POMK: variants seen among roughly 807,000 people sequenced by gnomAD.
The protein encoded by POMK is Sugen kinase 196.
In POMK, 19 loss-of-function variants were observed where a neutral mutation model predicts 23.0. That is an observed-to-expected ratio of 0.83 (90% CI 0.58 to 1.21). The LOEUF (loss-of-function observed/expected upper bound fraction) is 1.21, where lower values mean the gene tolerates loss of function less well. Ranked by LOEUF, POMK falls within the 50% of genes most tolerant of loss-of-function variation. POMK has a pLI of 0.00. For synonymous variants in POMK, 173 were observed against 171.6 expected, an observed-to-expected ratio of 1.01 and a Z score of -0.06; for missense variants, 410 against 431.3, an observed-to-expected ratio of 0.95 and a Z score of 0.44.
chr8:43,110,967 C>A (rs563167387), intron 4 of POMK, among the ~76,000 whole-genome samples: 1 of 151,984 alleles, frequency 6.6e-6, no homozygotes, highest in African/African-American at 2.4e-5. Flanking sequence ...CGAATAGGAA[C>A]AGCTCCAGTC....
chr8:43,112,437 A>G (rs1390089547), intron 4 of POMK, among the ~76,000 whole-genome samples: 6 of 152,214 alleles, frequency 3.9e-5, no homozygotes, highest in Non-Finnish European at 8.8e-5. Context: ...TCTACGTCTG[A>G]TTGGTGTACC....
At chr8:43,100,625 G>T (rs879830308) in intron 2 of POMK, among the ~76,000 whole-genome samples, 17 of 152,112 alleles carry the variant, frequency 1.1e-4, no homozygotes, top group Middle Eastern at 3.4e-3. Flanking sequence ...GCCGTGGTGG[G>T]TGTGTGCATG....
chr8:43,122,137 G>A lies in POMK; in HGVS notation c.313G>A (p.Val105Ile). The change falls in exon 5 of 5, where the codon GTT (valine) becomes ATT (isoleucine). Residue 105 changes from valine to isoleucine, a missense_variant. Val to Ile is a conservative substitution (Grantham distance 29). Coordinates refer to ENST00000331373, the MANE Select transcript of POMK (RefSeq NM_032237.5). ...VFLSEWKEHK[V>I]ALSQLTSLEM... Reference sequence around the variant, plus strand: ...TCTGTCTGAGTGGAAGGAGCACAAAGTTGCACTCTCACAGCTCACCAGCCT... The same window carrying A: ...TCTGTCTGAGTGGAAGGAGCACAAAATTGCACTCTCACAGCTCACCAGCCT... The A allele has an allele frequency of 6.2e-7, 1 of 1,614,170 alleles. No homozygotes were observed. The highest frequency in any genetic ancestry group is 1.1e-5 in the South Asian group (1 of 91,074).
intron 4 of POMK, among the ~76,000 whole-genome samples, chr8:43,116,997 G>A (rs979681844): frequency 6.6e-6 from 1 of 152,030 alleles, no homozygotes; most frequent in Non-Finnish European, 1.5e-5. Context: ...GTGGGCAGGA[G>A]TGGGGGTCGC....
rs1811800452 is a variant in POMK at position 43,116,438 on chromosome 8, C to A, written c.283-5669C>A. Among the ~76,000 whole-genome samples, 5 of 148,116 alleles carry A rather than the reference C, an allele frequency of 3.4e-5. No individual in the cohort carries two copies. The Admixed American group carries it at 3.4e-4, about 10-fold the overall frequency. On this transcript the variant is annotated intron_variant, in intron 4 of 4. Coordinates refer to ENST00000331373, the MANE Select transcript of POMK (RefSeq NM_032237.5). The stretch of plus-strand genomic sequence containing the variant: ...TGCCACCATGCCTGGCTAATTAAAA[C>A]TTTTTTTTTTTAAAGAGTTGAGATC...
At chr8:43,116,012 G>A (rs369806875) in intron 4 of POMK, among the ~76,000 whole-genome samples, 2 of 152,152 alleles carry the variant, frequency 1.3e-5, no homozygotes, top group African/African-American at 2.4e-5. Context: ...CCTCCTTCAC[G>A]GTCTTGCTCA....
intron 4 of POMK, among the ~76,000 whole-genome samples, chr8:43,114,074 T>C (rs1275188914): frequency 1.3e-5 from 2 of 152,222 alleles, no homozygotes; most frequent in Non-Finnish European, 2.9e-5. Flanking sequence ...AGGGACCCAC[T>C]TGAGGCAGTC....
intron 2 of POMK, among the ~76,000 whole-genome samples, chr8:43,099,193 C>G (rs1811391197): frequency 6.6e-6 from 1 of 152,256 alleles, no homozygotes; most frequent in Admixed American, 6.5e-5. Flanking sequence ...TCAAGCGATC[C>G]TCCCACCTTG....
intron 4 of POMK, among the ~76,000 whole-genome samples, chr8:43,105,263 G>C (rs1811522870): frequency 6.6e-6 from 1 of 152,180 alleles, no homozygotes; most frequent in Non-Finnish European, 1.5e-5. Flanking sequence ...ATGGTGCTAT[G>C]AAACACTGGA....
At chr8:43,098,065 T>C (rs1811369763) in intron 2 of POMK, among the ~76,000 whole-genome samples, 1 of 152,172 alleles carries the variant, frequency 6.6e-6, no homozygotes, top group Admixed American at 6.5e-5. Flanking sequence ...TGCTTGTTTT[T>C]GCGTAGCCTG....
chr8:43,121,055 A>C lies in POMK; in HGVS notation c.283-1052A>C, dbSNP rs1284813505. On this transcript the variant is annotated intron_variant, in intron 4 of 4. Transcript: ENST00000331373. ...ATCATGCTGCTCCCATCTTTTGATA[A>C]GTTTCAGTGTATGCTTTTATAAATA... Among the ~76,000 whole-genome samples, 5 of 152,214 alleles carry C rather than the reference A, an allele frequency of 3.3e-5. No homozygotes were observed. In the East Asian group the frequency reaches 9.6e-4, roughly 29 times the overall value.
In POMK at chr8:43,122,331, C is replaced by T. The variant is rs1811934945; in HGVS notation, c.507C>T (p.Tyr169=). 3.1e-6 allele frequency: 5 copies of T among 1,614,194 alleles called. No individual in the cohort carries two copies. Among genetic ancestry groups the T allele is most frequent in the Non-Finnish European group, 4.2e-6 (5 of 1,180,042 alleles). The change falls in exon 5 of 5, where the codon TAC becomes TAT. Residue 169 remains tyrosine, a synonymous_variant. Coordinates refer to ENST00000331373, the MANE Select transcript of POMK (RefSeq NM_032237.5). ...NLEETLNLSK[Y]QNVNTWQHRL... The stretch of plus-strand genomic sequence containing the variant: ...AAGAAACACTAAACCTTTCAAAGTA[C>T]CAAAATGTGAACACGTGGCAGCACA...
rs190646380 is a variant in POMK at position 43,122,685 on chromosome 8, C to T, written c.861C>T (p.Asp287=). The T allele has an allele frequency of 3.1e-6, 5 of 1,614,140 alleles. No individual in the cohort carries two copies. In the East Asian group the frequency reaches 8.9e-5, roughly 29 times the overall value. ...DEKIDIWKIP[D]ISSFLLGHIE... ...AGATTGACATTTGGAAGATCCCAGA[C>T]ATCTCCAGTTTCCTTCTGGGGCACA... The change falls in exon 5 of 5, where the codon GAC becomes GAT. Residue 287 remains aspartate, a synonymous_variant. Transcript: ENST00000331373.
At chr8:43,119,298 T>C (rs1422060847) in intron 4 of POMK, among the ~76,000 whole-genome samples, 1 of 152,142 alleles carries the variant, frequency 6.6e-6, no homozygotes, top group African/African-American at 2.4e-5. Flanking sequence ...TCAGATTCAG[T>C]GGGATGCAAA....
At chr8:43,108,749 A>G (rs543816129) in intron 4 of POMK, among the ~76,000 whole-genome samples, 3 of 152,350 alleles carry the variant, frequency 2.0e-5, no homozygotes, top group African/African-American at 2.4e-5. Flanking sequence ...GCACATATCA[A>G]AGTTTTATAG....
intron 4 of POMK, among the ~76,000 whole-genome samples, chr8:43,113,694 T>C (rs1586676470): frequency 6.6e-6 from 1 of 152,262 alleles, no homozygotes; most frequent in African/African-American, 2.4e-5. Flanking sequence ...CTCTGCTTTT[T>C]AGAGTTTCCA....
chr8:43,097,043 C>T (rs1451395139), intron 1 of POMK, among the ~76,000 whole-genome samples: 1 of 152,128 alleles, frequency 6.6e-6, no homozygotes, highest in East Asian at 1.9e-4. Context: ...TCACTTGAGT[C>T]TAGCCTGGGC....
intron 4 of POMK, among the ~76,000 whole-genome samples, chr8:43,115,603 C>A (rs935327476): frequency 6.6e-6 from 1 of 152,184 alleles, no homozygotes; most frequent in Non-Finnish European, 1.5e-5. Flanking sequence ...GCCCAGCCCC[C>A]CAAACCACCC....
chr8:43,123,141 C>T lies in POMK; in HGVS notation c.*264C>T. 1 of 323,290 alleles carries T rather than the reference C, an allele frequency of 3.1e-6. No homozygotes were observed. The highest frequency in any genetic ancestry group is 5.7e-6 in the Non-Finnish European group (1 of 175,924). 20.0% of individuals were successfully genotyped at this position (323,290 alleles called of 1,614,324 possible). A position where few individuals can be genotyped will look rare whatever the true frequency, so the allele number is the denominator to read the frequency against. On this transcript the variant is annotated 3_prime_UTR_variant, in exon 5 of 5. Coordinates refer to ENST00000331373, the MANE Select transcript of POMK (RefSeq NM_032237.5). ...ATGTGATCTTGGCTCACTGCAGCCT[C>T]TGCCTCCCAGGTTCAAGCAATTCTC...
Sources: allele counts gnomAD v4.1 joint callset (sites outside exome capture counted in the v4.1 genomes callset), GRCh38; gene constraint gnomAD v4.1.1; transcripts MANE v1.5; gene names NCBI Gene and HGNC (gene_info 2026-07-23, HGNC 2026-07-21).